PTPRM: variants seen among roughly 807,000 people sequenced by gnomAD.
PTPRM encodes receptor-type tyrosine-protein phosphatase mu.
In PTPRM, 47 loss-of-function variants were observed where a neutral mutation model predicts 186.7. The ratio of observed to expected loss-of-function variants is 0.25; its 90% CI spans 0.20 to 0.32. The LOEUF (loss-of-function observed/expected upper bound fraction) is 0.32. PTPRM is among the 10% of genes least tolerant of loss of function. The pLI, the probability that PTPRM is intolerant of heterozygous loss-of-function variation, is 1.00. For synonymous variants in PTPRM, 668 were observed against 674.9 expected, an observed-to-expected ratio of 0.99 and a Z score of 0.16; for missense variants, 1,494 against 1,865.0, an observed-to-expected ratio of 0.80 and a Z score of 3.66.
chr18:7,687,060 G>C (rs1045971498), intron 1 of PTPRM, among the ~76,000 whole-genome samples: 1 of 152,108 alleles, frequency 6.6e-6, no homozygotes, highest in African/African-American at 2.4e-5. Flanking sequence ...ATTTTTTCTA[G>C]TTTATAACCT....
intron 14 of PTPRM, among the ~76,000 whole-genome samples, chr18:8,210,684 G>A (rs1472727533): frequency 6.6e-6 from 1 of 152,130 alleles, no homozygotes; most frequent in African/African-American, 2.4e-5. Flanking sequence ...GGAGAGATCT[G>A]GACTAGAGAA....
intron 7 of PTPRM, among the ~76,000 whole-genome samples, chr18:7,962,286 CAT>C (rs550189026): frequency 1.1e-3 from 173 of 152,202 alleles, no homozygotes; most frequent in African/African-American, 4.1e-3. Context: ...ATATAGGCAA[CAT>C]ATATATACAT....
intron 13 of PTPRM, among the ~76,000 whole-genome samples, chr18:8,118,819 T>A (rs1489379884): frequency 6.9e-6 from 1 of 144,750 alleles, no homozygotes; most frequent in African/African-American, 2.5e-5. Flanking sequence ...AAAATATATA[T>A]ATATATATAT....
chr18:7,612,242 A>G (rs182343067), intron 1 of PTPRM, among the ~76,000 whole-genome samples: 8 of 152,180 alleles, frequency 5.3e-5, no homozygotes, highest in Non-Finnish European at 8.8e-5. Context: ...GCTACAGTTT[A>G]CTTTTGCTCT....
chr18:7,756,801 C>T (rs1047996071), intron 1 of PTPRM, among the ~76,000 whole-genome samples: 2 of 152,174 alleles, frequency 1.3e-5, no homozygotes, highest in East Asian at 1.9e-4. Context: ...CCACATCATT[C>T]GGATGGCTTC....
chr18:7,663,488 A>G (rs1377092207), intron 1 of PTPRM, among the ~76,000 whole-genome samples: 2 of 152,174 alleles, frequency 1.3e-5, no homozygotes, highest in Non-Finnish European at 2.9e-5. Context: ...TGTTCTTGAT[A>G]TTTTGTTGCA....
chr18:7,942,013 C>T (rs566113006), intron 5 of PTPRM, among the ~76,000 whole-genome samples: 1 of 152,136 alleles, frequency 6.6e-6, no homozygotes, highest in Non-Finnish European at 1.5e-5. Context: ...TGGCTGGGTG[C>T]GATGGCTCAC....
intron 7 of PTPRM, among the ~76,000 whole-genome samples, chr18:7,965,846 G>A (rs1162601667): frequency 2.0e-5 from 3 of 152,168 alleles, no homozygotes; most frequent in Admixed American, 6.5e-5. Flanking sequence ...CAGTTTATTC[G>A]TCCTCATTAA....
intron 1 of PTPRM, among the ~76,000 whole-genome samples, chr18:7,677,620 C>T (rs555716472): frequency 6.6e-6 from 1 of 152,238 alleles, no homozygotes; most frequent in African/African-American, 2.4e-5. Context: ...TGTCTGGGCT[C>T]ATTTCCCTGA....
At chr18:8,252,580 AGCTGGTG>A (rs2094538159) in intron 18 of PTPRM, 81 bp downstream of exon 18, 2 of 1,348,586 alleles carry the variant, frequency 1.5e-6, no homozygotes, top group Non-Finnish European at 2.1e-6. Flanking sequence ...TGACAAAGCC[AGCTGGTG>A]CTGCTCTGTG....
At position 7,644,740 on chromosome 18, in the gene PTPRM, A is replaced by C. The variant is rs1451418406; in HGVS notation, c.73+76849A>C. 5.3e-5 allele frequency among the ~76,000 whole-genome samples: 8 copies of C among 152,296 alleles called. No homozygotes were observed. The East Asian group carries it at 1.4e-3, about 26-fold the overall frequency. ...GAAATCTAAGTAGGAAATCAGACAA[A>C]GTATAAATGGTTGAGGTTTATGCAA... On this transcript the variant is annotated intron_variant, in intron 1 of 32. Coordinates refer to ENST00000580170, the MANE Select transcript of PTPRM (RefSeq NM_001105244.2).
chr18:8,298,038 C>G (rs989209967), intron 20 of PTPRM, among the ~76,000 whole-genome samples: 17 of 152,300 alleles, frequency 1.1e-4, no homozygotes, highest in Admixed American at 8.5e-4. Flanking sequence ...AGATGGTGCC[C>G]CTGTCCCCAG....
At chr18:8,156,757 T>C (rs1371812098) in intron 14 of PTPRM, among the ~76,000 whole-genome samples, 2 of 152,234 alleles carry the variant, frequency 1.3e-5, no homozygotes, top group Non-Finnish European at 2.9e-5. Flanking sequence ...ACCATTGCTT[T>C]AAGTCTATAA....
At chr18:8,134,057 G>A (rs769612055) in intron 13 of PTPRM, among the ~76,000 whole-genome samples, 8 of 152,066 alleles carry the variant, frequency 5.3e-5, no homozygotes, top group Admixed American at 6.5e-5. Flanking sequence ...ACCCAAGGGC[G>A]GAATAAACCT....
At chr18:8,053,081 T>C (rs745575243) in intron 7 of PTPRM, among the ~76,000 whole-genome samples, 30 of 152,202 alleles carry the variant, frequency 2.0e-4, no homozygotes, top group Non-Finnish European at 3.8e-4. Flanking sequence ...GTTTGTTTAG[T>C]GGTTGCCAAT....
chr18:7,698,137 C>A (rs1423127253), intron 1 of PTPRM, among the ~76,000 whole-genome samples: 1 of 152,164 alleles, frequency 6.6e-6, no homozygotes, highest in African/African-American at 2.4e-5. Context: ...CTCATCCTCA[C>A]CCCTTAAAAC....
intron 1 of PTPRM, among the ~76,000 whole-genome samples, chr18:7,751,920 A>G (rs1029247463): frequency 6.6e-5 from 10 of 152,178 alleles, no homozygotes; most frequent in African/African-American, 2.2e-4. Flanking sequence ...AATAATGACA[A>G]GTGTGTTGAG....
intron 5 of PTPRM, among the ~76,000 whole-genome samples, chr18:7,942,504 G>C (rs149604990): frequency 1.3e-5 from 2 of 152,138 alleles, no homozygotes; most frequent in African/African-American, 4.8e-5. Context: ...CTGCCCTCCA[G>C]ATACAGGGCA....
chr18:7,757,281 C>T (rs2041544765), intron 1 of PTPRM, among the ~76,000 whole-genome samples: 1 of 152,214 alleles, frequency 6.6e-6, no homozygotes, highest in African/African-American at 2.4e-5. Context: ...CTAAATTAAA[C>T]TCAAGGGTCA....
Sources: gnomAD v4.1 joint callset for allele counts (sites outside exome capture counted in the v4.1 genomes callset) on GRCh38, gnomAD v4.1.1 for gene constraint, MANE v1.5 for transcripts, NCBI Gene and HGNC (gene_info 2026-07-23, HGNC 2026-07-21) for gene names.